Variants in OXR1 observed in about 807,000 individuals in gnomAD.
The protein encoded by OXR1 is oxidation resistance 1, also known as oxidation resistance protein 1.
A neutral mutation model predicts 104.6 loss-of-function variants in OXR1; 41 were observed. The ratio of observed to expected loss-of-function variants is 0.39; its 90% confidence interval spans 0.31 to 0.51. The LOEUF is 0.51. Among genes scored for constraint, OXR1 ranks in the 20% least tolerant of loss-of-function variants. The pLI is 0.77. For missense variants in OXR1, 955 were observed against 1,031.9 expected, an observed-to-expected ratio of 0.93 and a Z score of 1.02; for synonymous variants, 348 against 348.4, an observed-to-expected ratio of 1.00 and a Z score of 0.01.
At chr8:106,592,107 A>T (rs1819142972) in intron 3 of OXR1, among the ~76,000 whole-genome samples, 1 of 152,214 alleles carries the variant, frequency 6.6e-6, no homozygotes, top group Non-Finnish European at 1.5e-5. Flanking sequence ...GAAGATTTAG[A>T]TTATGGAAAA....
At chr8:106,390,051 G>A (rs1007441360) in intron 2 of OXR1, among the ~76,000 whole-genome samples, 4 of 152,008 alleles carry the variant, frequency 2.6e-5, no homozygotes, top group African/African-American at 7.3e-5. Context: ...GGGTGACAGG[G>A]CAGGACTCTG....
At chr8:106,655,027 A>G (rs1824928857) in intron 3 of OXR1, among the ~76,000 whole-genome samples, 1 of 152,180 alleles carries the variant, frequency 6.6e-6, no homozygotes, top group Non-Finnish European at 1.5e-5. Context: ...AGCCTCAGAA[A>G]CATTAAGTGA....
intron 1 of OXR1, among the ~76,000 whole-genome samples, chr8:106,346,974 T>C (rs976056754): frequency 6.6e-6 from 1 of 151,986 alleles, no homozygotes; most frequent in Non-Finnish European, 1.5e-5. Context: ...ACCCAGGAGG[T>C]GGAGCTTGCA....
At chr8:106,455,603 G>A (rs1820556377) in intron 2 of OXR1, among the ~76,000 whole-genome samples, 1 of 152,118 alleles carries the variant, frequency 6.6e-6, no homozygotes, top group Admixed American at 6.5e-5. Flanking sequence ...AATTCTCAAA[G>A]AGTTGCCAAC....
chr8:106,303,061 GT>G (rs74209006), intron 1 of OXR1, among the ~76,000 whole-genome samples: 68 of 143,624 alleles, frequency 4.7e-4, no homozygotes, highest in South Asian at 6.7e-4. Context: ...CCGCAAACCT[GT>G]TTTTTTTTTT....
intron 2 of OXR1, among the ~76,000 whole-genome samples, chr8:106,379,270 C>T (rs1313609081): frequency 6.6e-6 from 1 of 152,130 alleles, no homozygotes; most frequent in Non-Finnish European, 1.5e-5. Context: ...AAAATTATCA[C>T]TCTAGAGTCT....
chr8:106,505,432 A>C (rs1016457219), intron 2 of OXR1, among the ~76,000 whole-genome samples: 1 of 152,156 alleles, frequency 6.6e-6, no homozygotes, highest in African/African-American at 2.4e-5. Flanking sequence ...TCTAAAAGAC[A>C]CTCCCCATCA....
intron 3 of OXR1, among the ~76,000 whole-genome samples, chr8:106,603,594 G>A (rs557119648): frequency 2.0e-5 from 3 of 152,310 alleles, no homozygotes; most frequent in African/African-American, 7.2e-5. Flanking sequence ...ATGGGTTTAT[G>A]ATGGGTGATT....
chr8:106,698,451 A>G (rs1022342065), intron 7 of OXR1, among the ~76,000 whole-genome samples: 2 of 152,092 alleles, frequency 1.3e-5, no homozygotes, highest in Non-Finnish European at 2.9e-5. Context: ...TTTGGAAAAT[A>G]TTTGACCAGA....
rs1465855722 is a variant in OXR1, at chr8:106,403,681, G to A, written c.23+44045G>A. Among the ~76,000 whole-genome samples, 5 of 152,178 alleles carry A rather than the reference G, an allele frequency of 3.3e-5. No homozygotes were observed. In the East Asian group the frequency reaches 9.6e-4, roughly 29 times the overall value. ...GTCTGGCATTTCCAACTTGTTCACT[G>A]TTGACCACCTTTTGGTTCATGTTTC... is the stretch of plus-strand genomic sequence containing the variant. On this transcript the variant is annotated intron_variant, in intron 2 of 16. Transcript: ENST00000517566.
intron 2 of OXR1, among the ~76,000 whole-genome samples, chr8:106,514,146 T>C (rs753075963): frequency 2.6e-5 from 4 of 152,156 alleles, no homozygotes; most frequent in Admixed American, 6.5e-5. Flanking sequence ...TAAGAGCTTA[T>C]TTTTGTCTTC....
intron 2 of OXR1, among the ~76,000 whole-genome samples, chr8:106,391,832 GA>G (rs1264038733): frequency 1.3e-5 from 2 of 151,842 alleles, no homozygotes; most frequent in African/African-American, 4.8e-5. Flanking sequence ...AAATTTTAAA[GA>G]AAAAAAGGCA....
intron 3 of OXR1, among the ~76,000 whole-genome samples, chr8:106,633,290 T>A (rs116062817): frequency 0.011 from 1,698 of 152,038 alleles, 37 homozygotes; most frequent in African/African-American, 0.038. Flanking sequence ...AAGAAAATAT[T>A]GCATAATAAA....
At chr8:106,351,150 T>G (rs2130307391) in intron 1 of OXR1, among the ~76,000 whole-genome samples, 1 of 152,342 alleles carries the variant, frequency 6.6e-6, no homozygotes, top group Middle Eastern at 3.4e-3. Flanking sequence ...TGTATAGAAC[T>G]TAACATTTCT....
At chr8:106,407,101 G>A (rs758504820) in intron 2 of OXR1, among the ~76,000 whole-genome samples, 1 of 152,100 alleles carries the variant, frequency 6.6e-6, no homozygotes, top group Non-Finnish European at 1.5e-5. Flanking sequence ...CTGGACTATG[G>A]ATTATGTATT....
At chr8:106,515,164 T>C (rs1382044300) in intron 2 of OXR1, among the ~76,000 whole-genome samples, 1 of 152,132 alleles carries the variant, frequency 6.6e-6, no homozygotes, top group Non-Finnish European at 1.5e-5. Flanking sequence ...CTTGGTGATC[T>C]ATAGCTTATT....
intron 12 of OXR1, among the ~76,000 whole-genome samples, chr8:106,738,287 C>T (rs1217600557): frequency 6.6e-6 from 1 of 152,010 alleles, no homozygotes; most frequent in East Asian, 1.9e-4. Flanking sequence ...TCTTTTAATG[C>T]TTCTAATGCT....
At chr8:106,359,779 A>G in intron 2 of OXR1, 143 bp downstream of exon 2, 2 of 663,010 alleles carry the variant, frequency 3.0e-6, no homozygotes, top group Non-Finnish European at 2.7e-6. Context: ...ATGTTAGCGT[A>G]AAGAAAGCAA....
At chr8:106,343,775 A>G (rs1361607995) in intron 1 of OXR1, among the ~76,000 whole-genome samples, 1 of 152,218 alleles carries the variant, frequency 6.6e-6, no homozygotes, top group Non-Finnish European at 1.5e-5. Flanking sequence ...AAAGCATCTA[A>G]TATGTATTTA....
Sources: gnomAD v4.1 joint callset for allele counts (sites outside exome capture counted in the v4.1 genomes callset) on GRCh38, gnomAD v4.1.1 for gene constraint, MANE v1.5 for transcripts, NCBI Gene and HGNC (gene_info 2026-07-23, HGNC 2026-07-21) for gene names.